The following TUBGCP5 variants were observed in gnomAD, a reference collection of about 807,000 sequenced individuals.
The protein encoded by TUBGCP5 is tubulin gamma complex component 5, also known as gamma-tubulin complex component 5.
TUBGCP5 carries 98 observed loss-of-function variants against 134.7 expected under a neutral mutation model. That is an observed-to-expected ratio of 0.73 (90% CI 0.62 to 0.86). TUBGCP5 has a LOEUF of 0.86. TUBGCP5 is among the 40% of genes least tolerant of loss of function. The pLI is 0.00. For synonymous variants in TUBGCP5, 456 were observed against 431.4 expected (o/e 1.06, Z -0.71); for missense variants, 1,150 against 1,244.8 (o/e 0.92, Z 1.15).
chr15:23,035,806 T>C (rs568774503), intron 3 of TUBGCP5, among the ~76,000 whole-genome samples: 1 of 152,064 alleles, frequency 6.6e-6, no homozygotes. Flanking sequence ...ACAGAGGGGA[T>C]AGTGAAGCAG....
In TUBGCP5 at chr15:23,009,847, T is replaced by C. The variant is rs573449962; in HGVS notation, c.2144+98A>G. On this transcript the variant is annotated intron_variant, in intron 15 of 22. Transcript: ENST00000615383. ...AATTGTTTACTGTATATCCATTTCCTACTCTAATAAAAATTGAAATAGGTT... is the reference window on the plus strand; with the variant it reads ...AATTGTTTACTGTATATCCATTTCCCACTCTAATAAAAATTGAAATAGGTT... 2.1e-5 allele frequency: 23 copies of C among 1,097,278 alleles called. No individual in the cohort carries two copies. The African/African-American group carries it at 3.4e-4, about 16-fold the overall frequency. 68.0% of individuals were successfully genotyped at this position (1,097,278 alleles called of 1,614,324 possible).
At chr15:23,010,984 CAAACA>C in intron 14 of TUBGCP5, 144 bp downstream of exon 14, 1 of 772,132 alleles carries the variant, frequency 1.3e-6, no homozygotes, top group Non-Finnish European at 2.0e-6. Flanking sequence ...CCATCTCAAA[CAAACA>C]AAAAAAAAAA....
chr15:22,991,378 G>C (rs1351556732), intron 23 of TUBGCP5, among the ~76,000 whole-genome samples: 1 of 152,266 alleles, frequency 6.6e-6, no homozygotes, highest in African/African-American at 2.4e-5. Flanking sequence ...TTACAGGTGT[G>C]AGCCACCATG....
In TUBGCP5 at chr15:23,006,319, A is replaced by G; in HGVS notation, c.2361T>C (p.Ala787=). ...AGATATGAACAGGCAGCTTCTTCTT[A>G]GCTGTGTCAACATTTTCAAAAGATA... ...LSISFENVDT[A]KKKLPVHILD... The change falls in exon 17 of 23, where the codon GCT becomes GCC. Residue 787 remains alanine, a synonymous_variant. Coordinates refer to ENST00000615383, the MANE Select transcript of TUBGCP5 (RefSeq NM_052903.6). The G allele has an allele frequency of 6.2e-7, 1 of 1,608,218 alleles. No individual in the cohort carries two copies. The highest frequency in any genetic ancestry group is 8.5e-7 in the Non-Finnish European group (1 of 1,178,892).
intron 1 of TUBGCP5, 66 bp from the exon 2 acceptor site, chr15:23,037,218 G>T: frequency 6.9e-7 from 1 of 1,450,758 alleles, no homozygotes; most frequent in Non-Finnish European, 9.6e-7. Flanking sequence ...TCATCTCATG[G>T]CCCTCCATAT....
downstream of TUBGCP5, among the ~76,000 whole-genome samples, chr15:22,996,356 T>A (rs2064079491): frequency 1.3e-5 from 2 of 151,934 alleles, no homozygotes; most frequent in Admixed American, 6.6e-5. Context: ...TTAAAAAAAA[T>A]GTCTTGGGCT....
chr15:23,029,607 A>C (rs1458638497), intron 6 of TUBGCP5, among the ~76,000 whole-genome samples: 1 of 152,170 alleles, frequency 6.6e-6, no homozygotes, highest in Non-Finnish European at 1.5e-5. Flanking sequence ...ATTTTGAAAA[A>C]GAGCAGTGAT....
intron 3 of TUBGCP5, among the ~76,000 whole-genome samples, chr15:23,035,714 T>C (rs1404383559): frequency 2.6e-5 from 4 of 151,988 alleles, no homozygotes; most frequent in Non-Finnish European, 5.9e-5. Context: ...ACCTCTGCCA[T>C]AACAAACACA....
At chr15:22,997,553 G>GAAGCT (rs1327137410), downstream of TUBGCP5, among the ~76,000 whole-genome samples, 1 of 152,014 alleles carries the variant, frequency 6.6e-6, no homozygotes, top group Non-Finnish European at 1.5e-5. Flanking sequence ...TTTGCTTCTA[G>GAAGCT]AAGCTTTCTA....
intron 6 of TUBGCP5, among the ~76,000 whole-genome samples, chr15:23,030,389 A>G (rs1238981170): frequency 6.6e-6 from 1 of 152,202 alleles, no homozygotes; most frequent in Non-Finnish European, 1.5e-5. Flanking sequence ...GTCCCTCAGT[A>G]TCCAATGGGG....
intron 4 of TUBGCP5, among the ~76,000 whole-genome samples, chr15:23,032,444 T>C (rs778413879): frequency 5.3e-5 from 8 of 151,942 alleles, no homozygotes; most frequent in Non-Finnish European, 8.8e-5. Flanking sequence ...GCTATGTAAA[T>C]AGTTTTTTAA....
chr15:23,007,003 C>T (rs1240373238), intron 16 of TUBGCP5, among the ~76,000 whole-genome samples: 1 of 152,170 alleles, frequency 6.6e-6, no homozygotes, highest in Non-Finnish European at 1.5e-5. Context: ...GAGGGGATGC[C>T]TGGATGCATA....
At chr15:23,003,979 C>A (rs1022642059) in intron 20 of TUBGCP5, 123 bp downstream of exon 20, 23 of 1,297,064 alleles carry the variant, frequency 1.8e-5, no homozygotes, top group Non-Finnish European at 2.4e-5. Context: ...AACCTCATTT[C>A]ATCTGGTTCT....
chr15:23,011,263 C>G lies in TUBGCP5; in HGVS notation c.1825G>C (p.Asp609His), dbSNP rs1403555443. ...SVQSRLRHGE[D>H]STPQVLTEQQ... ...TCAGTAAGAACCTGTGGAGTGGAATCTTCTCCATGTCGAAGACGGGACTGT... is the reference window on the plus strand; with the variant it reads ...TCAGTAAGAACCTGTGGAGTGGAATGTTCTCCATGTCGAAGACGGGACTGT... The change falls in exon 14 of 23, where the codon GAT becomes CAT. Residue 609 changes from aspartate to histidine, a missense_variant. This residue lies in a region of TUBGCP5 where 697 missense variants were observed against 850.1 expected (regional missense o/e 0.82). Coordinates refer to ENST00000615383, the MANE Select transcript of TUBGCP5 (RefSeq NM_052903.6). 1 of 1,613,906 alleles carries G rather than the reference C, an allele frequency of 6.2e-7. No homozygotes were observed.
chr15:23,002,894 T>C, intron 21 of TUBGCP5, among the ~76,000 whole-genome samples, 171 bp downstream of exon 21: 1 of 152,118 alleles, frequency 6.6e-6, no homozygotes, highest in East Asian at 1.9e-4. Context: ...CTTTTTTTTT[T>C]TTTTAAAGAC....
At chr15:23,025,999 T>A in intron 8 of TUBGCP5, 117 bp downstream of exon 8, 1 of 722,868 alleles carries the variant, frequency 1.4e-6, no homozygotes, top group Non-Finnish European at 2.3e-6. Flanking sequence ...ACTTCACACC[T>A]AATGGACCTT....
intron 23 of TUBGCP5, among the ~76,000 whole-genome samples, chr15:22,991,091 T>C (rs932071194): frequency 7.2e-6 from 1 of 139,560 alleles, no homozygotes; most frequent in East Asian, 2.2e-4. Flanking sequence ...AGGACTTCCT[T>C]ATAATAAATT....
intron 21 of TUBGCP5, among the ~76,000 whole-genome samples, chr15:23,001,244 T>C (rs996366420): frequency 1.3e-5 from 2 of 151,968 alleles, no homozygotes; most frequent in Non-Finnish European, 2.9e-5. Flanking sequence ...GGTTTCGCCA[T>C]GTTGGTCAGG....
Position 23,005,670 on chromosome 15 carries a change from C to A in TUBGCP5, c.2534-60G>T, listed in dbSNP as rs2064665775. On this transcript the variant is annotated intron_variant, in intron 18 of 22. Coordinates refer to ENST00000615383, the MANE Select transcript of TUBGCP5 (RefSeq NM_052903.6). Reference sequence around the variant, plus strand: ...GAGCATCAACTCAAACCCCACTGCACCATGACGCCTGGCAGAAACACTGAC... The same window carrying A: ...GAGCATCAACTCAAACCCCACTGCAACATGACGCCTGGCAGAAACACTGAC... 3 of 1,517,948 alleles carry A rather than the reference C, an allele frequency of 2.0e-6. No homozygotes were observed. In the Admixed American group the frequency reaches 5.6e-5, roughly 28 times the overall value. 94.0% of individuals were successfully genotyped at this position (1,517,948 alleles called of 1,614,324 possible). A position where few individuals can be genotyped will look rare whatever the true frequency, so the allele number is the denominator to read the frequency against.
Sources: allele counts gnomAD v4.1 joint callset (sites outside exome capture counted in the v4.1 genomes callset), GRCh38; gene constraint gnomAD v4.1.1; regional missense constraint gnomAD v4.1.1; transcripts MANE v1.5; gene names NCBI Gene and HGNC (gene_info 2026-07-23, HGNC 2026-07-21).